The following IP6K1 variants were observed in gnomAD, a reference collection of about 807,000 sequenced individuals.
IP6K1 encodes inositol hexakisphosphate kinase 1.
A neutral mutation model predicts 38.3 loss-of-function variants in IP6K1; 13 were observed. The ratio of observed to expected loss-of-function variants is 0.34; its 90% CI spans 0.22 to 0.54. The LOEUF is 0.54. IP6K1 is among the 20% of genes least tolerant of loss of function. The pLI is 0.92. For synonymous variants in IP6K1, 212 were observed against 229.9 expected (o/e 0.92, Z 0.70); for missense variants, 397 against 599.8 (o/e 0.66, Z 3.53).
At chr3:49,733,229 C>T (rs934851900) in intron 3 of IP6K1, among the ~76,000 whole-genome samples, 2 of 150,398 alleles carry the variant, frequency 1.3e-5, no homozygotes, top group Non-Finnish European at 3.0e-5. Flanking sequence ...GAAAATACCA[C>T]TTCACATCCA....
At chr3:49,738,582 C>G (rs1324939534) in intron 2 of IP6K1, among the ~76,000 whole-genome samples, 160 bp from the exon 3 acceptor site, 2 of 152,192 alleles carry the variant, frequency 1.3e-5, no homozygotes, top group Admixed American at 6.5e-5. Context: ...CAGTAACTTC[C>G]AGAAAATGGA....
At position 49,748,026 on chromosome 3, in the gene IP6K1, T is replaced by C. The variant is rs758652211; in HGVS notation, c.15A>G (p.Gln5=). 1.2e-6 allele frequency: 2 copies of C among 1,613,308 alleles called. No individual in the cohort carries two copies. Among genetic ancestry groups the C allele is most frequent in the Non-Finnish European group, 1.7e-6 (2 of 1,180,030 alleles). Residue 5 remains glutamine, a synonymous_variant, in exon 2 of 6, where the codon CAA becomes CAG. Transcript: ENST00000321599. ...TGCCATACTGCCCCACTTCCATGGT[T>C]TGACAAACACACATTGCGTTGGGGG... MCVC[Q]TMEVGQYGKN... is the part of the protein sequence containing the mutation.
intron 2 of IP6K1, among the ~76,000 whole-genome samples, chr3:49,746,584 C>T (rs1384293689): frequency 1.4e-5 from 2 of 146,640 alleles, no homozygotes; most frequent in African/African-American, 2.5e-5. Context: ...GCAGGAGAAT[C>T]GCTTCGCTTG....
rs1239830896 is a variant in IP6K1 at position 49,738,201 on chromosome 3, GTACCTCT to G, written c.434+4_434+10del. On this transcript the variant is annotated splice_donor_5th_base_variant and intron_variant, in intron 3 of 5. Transcript: ENST00000321599. ...TGCTTGTACCAGCAGGACGAAACAT[GTACCTCT>G]TACCTCTCAGAGGTCTCAAGGGACA... 6.2e-7 allele frequency: 1 copy of G among 1,607,106 alleles called. No individual in the cohort carries two copies. The highest frequency in any genetic ancestry group is 8.5e-7 in the Non-Finnish European group (1 of 1,173,798).
chr3:49,773,231 G>C (rs2080974694), intron 1 of IP6K1, among the ~76,000 whole-genome samples: 1 of 152,192 alleles, frequency 6.6e-6, no homozygotes, highest in Non-Finnish European at 1.5e-5. Flanking sequence ...GGTACACTCT[G>C]CTTCATGAAA....
intron 1 of IP6K1, among the ~76,000 whole-genome samples, chr3:49,761,537 C>G (rs1420326593): frequency 6.6e-6 from 1 of 151,468 alleles, no homozygotes; most frequent in African/African-American, 2.4e-5. Context: ...TGGCGTGAAC[C>G]CGGGAGGCGG....
rs2080491423 is a variant in IP6K1, at chr3:49,725,502, A to C, written c.*1620T>G. On this transcript the variant is annotated 3_prime_UTR_variant, in exon 6 of 6. Transcript: ENST00000321599. ...GATGGCATCCATCAAGGAGCCCTTA[A>C]GAGGCTGCATCTTTAAGGACCAGGA... 6.6e-6 allele frequency: 1 copy of C among 152,484 alleles called. No homozygotes were observed. The highest frequency in any genetic ancestry group is 2.1e-4 in the South Asian group (1 of 4,838). 9.4% of individuals were successfully genotyped at this position (152,484 alleles called of 1,614,324 possible).
chr3:49,737,231 C>T (rs2080621097), intron 3 of IP6K1, among the ~76,000 whole-genome samples: 1 of 152,138 alleles, frequency 6.6e-6, no homozygotes, highest in Admixed American at 6.6e-5. Context: ...TTTTGAAGAA[C>T]TGCTAAATTG....
At chr3:49,774,878 C>T (rs902433277) in intron 1 of IP6K1, among the ~76,000 whole-genome samples, 2 of 145,290 alleles carry the variant, frequency 1.4e-5, no homozygotes, top group Non-Finnish European at 1.5e-5. Flanking sequence ...GTCATAATTT[C>T]TTTTTTTTTT....
At chr3:49,735,737 C>T (rs577361621) in intron 3 of IP6K1, among the ~76,000 whole-genome samples, 17 of 152,266 alleles carry the variant, frequency 1.1e-4, no homozygotes, top group African/African-American at 3.9e-4. Flanking sequence ...TGGGCATGTC[C>T]TTGTTCACCA....
intron 1 of IP6K1, among the ~76,000 whole-genome samples, chr3:49,750,729 T>C (rs2080767262): frequency 6.6e-6 from 1 of 151,938 alleles, no homozygotes; most frequent in Non-Finnish European, 1.5e-5. Context: ...GAAATAGCCC[T>C]TCCCCTGACT....
Position 49,765,559 on chromosome 3 carries a change from AG to A in IP6K1, c.-128-17392del, listed in dbSNP as rs1298922299. On this transcript the variant is annotated intron_variant, in intron 1 of 5. Transcript: ENST00000321599. The stretch of plus-strand genomic sequence containing the variant: ...CAGCTACTTGGGAGGCTGAAGCAGA[AG>A]AATCACTTGAACATGGGAATCAGAG... Among the ~76,000 whole-genome samples, 21 of 151,448 alleles carry A rather than the reference AG, an allele frequency of 1.4e-4. No individual in the cohort carries two copies. The South Asian group carries it at 1.7e-3, about 12-fold the overall frequency.
chr3:49,779,920 C>T (rs182953310), intron 1 of IP6K1, among the ~76,000 whole-genome samples: 2 of 151,990 alleles, frequency 1.3e-5, no homozygotes, highest in African/African-American at 4.8e-5. Flanking sequence ...ACTCCTGGGC[C>T]CAAGCAATTT....
At position 49,748,004 on chromosome 3, in the gene IP6K1, C is replaced by G. The variant is rs748043612; in HGVS notation, c.37G>C (p.Gly13Arg). The G allele has an allele frequency of 1.9e-6, 3 of 1,613,794 alleles. No individual in the cohort carries two copies. The Admixed American group carries it at 5.0e-5, about 27-fold the overall frequency. The change falls in exon 2 of 6, where the codon GGC becomes CGC. Residue 13 changes from glycine (G) to arginine (R), a missense_variant. Physicochemically the swap from Gly to Arg is moderately radical, Grantham distance 125 (BLOSUM62 -2). Around this residue, in one of 3 missense-constraint regions of IP6K1, gnomAD observed 171 missense variants for 237.0 expected, o/e 0.72. Transcript: ENST00000321599. Reference protein sequence around the residue: ...VCQTMEVGQYGKNASRAGDRG... With the variant: ...VCQTMEVGQYRKNASRAGDRG... ...TCTCCAGCCCGACTTGCATTCTTGC[C>G]ATACTGCCCCACTTCCATGGTTTGA...
At chr3:49,775,482 G>A (rs1489374966) in intron 1 of IP6K1, 2 of 627,110 alleles carry the variant, frequency 3.2e-6, no homozygotes, top group Admixed American at 2.6e-5. Context: ...TGGGGTCTCT[G>A]GTGCCTATTA....
chr3:49,784,646 GA>G lies in IP6K1; in HGVS notation c.-129+1707del, dbSNP rs35547506. ...GGTGAGAGAACGAGACTTCGTCTCAGAAAAAAAAAAAAAAAGTAGGCTTGGC... is the reference window on the plus strand; with the variant it reads ...GGTGAGAGAACGAGACTTCGTCTCAGAAAAAAAAAAAAAAGTAGGCTTGGC... On this transcript the variant is annotated intron_variant, in intron 1 of 5. Transcript: ENST00000321599. Among the ~76,000 whole-genome samples, 1,219 of 134,434 alleles carry G rather than the reference GA, an allele frequency of 9.1e-3. 16 individuals carry two copies. The highest frequency in any genetic ancestry group is 0.029 in the African/African-American group (1,033 of 36,114). The allele number at this position is 134,434 out of a possible 152,430, so 88.2% of individuals were successfully genotyped here.
intron 1 of IP6K1, among the ~76,000 whole-genome samples, chr3:49,772,196 A>T (rs2080965363): frequency 6.9e-6 from 1 of 144,840 alleles, no homozygotes; most frequent in African/African-American, 2.5e-5. Context: ...CTGGGTGACA[A>T]AACAAGACCC....
intron 3 of IP6K1, among the ~76,000 whole-genome samples, chr3:49,733,493 AAAGG>A (rs1268558575): frequency 3.3e-5 from 5 of 152,208 alleles, no homozygotes; most frequent in Admixed American, 6.5e-5. Flanking sequence ...ACAATAAACA[AAAGG>A]AAGAAACAAG....
intron 4 of IP6K1, 81 bp downstream of exon 4, chr3:49,732,710 C>A: frequency 8.4e-7 from 1 of 1,193,450 alleles, no homozygotes; most frequent in African/African-American, 1.5e-5. Context: ...AGACAAAGAC[C>A]TCAGCCATAG....
Sources: allele counts gnomAD v4.1 joint callset (sites outside exome capture counted in the v4.1 genomes callset), GRCh38; gene constraint gnomAD v4.1.1; regional missense constraint gnomAD v4.1.1; transcripts MANE v1.5; gene names NCBI Gene and HGNC (gene_info 2026-07-23, HGNC 2026-07-21).